PPP2R5C: variants seen among roughly 807,000 people sequenced by gnomAD.
PPP2R5C encodes the protein serine/threonine-protein phosphatase 2A 56 kDa regulatory subunit gamma isoform.
In PPP2R5C, 7 loss-of-function variants were observed where a neutral mutation model predicts 68.9. The observed-to-expected ratio is 0.10, with a 90% CI of 0.06 to 0.19. The LOEUF is 0.19. Ranked by LOEUF, PPP2R5C falls within the 10% of genes least tolerant of loss-of-function variation. PPP2R5C has a pLI of 1.00. For missense variants in PPP2R5C, 348 were observed against 641.3 expected (o/e 0.54, Z 4.94); for synonymous variants, 210 against 222.2 (o/e 0.95, Z 0.49).
chr14:101,768,707 C>G (rs749977831), intron 2 of PPP2R5C, among the ~76,000 whole-genome samples: 1 of 152,030 alleles, frequency 6.6e-6, no homozygotes, highest in Admixed American at 6.6e-5. Context: ...TCATAAAAAC[C>G]GTTTTGACCT....
rs1014636971 is a variant in PPP2R5C at position 101,879,838 on chromosome 14, G to A, written c.295-2323G>A. On this transcript the variant is annotated intron_variant, in intron 2 of 13. Coordinates refer to ENST00000334743, the Ensembl canonical transcript of PPP2R5C. The surrounding 1 kb of genome is among the most constrained non-coding windows in gnomAD (Gnocchi z 4.2). ...GACTTTCCTTTCTCTGCCCTTCATG[G>A]CCCTGGAAGTTATGGAGAGCTTCAG... Among the ~76,000 whole-genome samples, 5 of 152,244 alleles carry A rather than the reference G, an allele frequency of 3.3e-5. No individual in the cohort carries two copies. The highest frequency in any genetic ancestry group is 9.6e-5 in the African/African-American group (4 of 41,476).
chr14:101,913,820 A>T lies in PPP2R5C; in HGVS notation c.1326+1347A>T, dbSNP rs1340052272. Among the ~76,000 whole-genome samples, 2 of 152,108 alleles carry T rather than the reference A, an allele frequency of 1.3e-5. No individual in the cohort carries two copies. The highest frequency in any genetic ancestry group is 4.8e-5 in the African/African-American group (2 of 41,422). On this transcript the variant is annotated intron_variant, in intron 12 of 13. Coordinates refer to ENST00000334743, the Ensembl canonical transcript of PPP2R5C. This position sits in a 1 kb window ranked among gnomAD's most constrained non-coding sequence, Gnocchi z 4.1. ...CTGATAGCCCTCAGGATTGTCAAGG[A>T]CCCCAGTACACATGCAGTTGAAATC...
chr14:101,926,258 C>CCGG (rs1009168436), exon 14 of PPP2R5C: 2 of 152,438 alleles, frequency 1.3e-5, no homozygotes, highest in African/African-American at 4.8e-5. Flanking sequence ...TTGCACGGGG[C>CCGG]CGGCACTGCC....
chr14:101,821,452 G>GGGGTGT (rs1555386194), intron 1 of PPP2R5C, among the ~76,000 whole-genome samples: 1 of 121,356 alleles, frequency 8.2e-6, no homozygotes, highest in South Asian at 3.1e-4. Context: ...TGGGTGGGTG[G>GGGGTGT]GTGTGTGTGT....
At chr14:101,819,164 T>G (rs2140253286) in intron 1 of PPP2R5C, 2 of 1,379,544 alleles carry the variant, frequency 1.4e-6, no homozygotes, top group South Asian at 2.6e-5. Context: ...GAATGGGTTG[T>G]CGGTTTTGGT....
chr14:101,811,371 A>T (rs2039349337), intron 1 of PPP2R5C, among the ~76,000 whole-genome samples: 1 of 152,106 alleles, frequency 6.6e-6, no homozygotes, highest in Non-Finnish European at 1.5e-5. Flanking sequence ...ACAGGGTCTC[A>T]CTCTTGTCAC....
chr14:101,925,403 G>A (rs2047247072), exon 14 of PPP2R5C: 3 of 1,398,772 alleles, frequency 2.1e-6, no homozygotes, highest in South Asian at 1.5e-5. Context: ...AGGCAATAAC[G>A]TGCGTCCGCC....
intron 11 of PPP2R5C, among the ~76,000 whole-genome samples, chr14:101,910,208 A>G (rs1355205233): frequency 6.6e-6 from 1 of 152,196 alleles, no homozygotes; most frequent in Non-Finnish European, 1.5e-5. Flanking sequence ...GGGATGATCT[A>G]AGTGACAAAG....
chr14:101,847,663 C>CT (rs3043777), intron 1 of PPP2R5C, among the ~76,000 whole-genome samples: 8,072 of 128,222 alleles, frequency 0.063, 360 homozygotes, highest in African/African-American at 0.088. Flanking sequence ...TGGGGCTGCT[C>CT]TTTTTTTTTT....
At chr14:101,786,312 G>T in intron 3 of PPP2R5C, 129 bp downstream of exon 3, 1 of 805,610 alleles carries the variant, frequency 1.2e-6, no homozygotes, top group Non-Finnish European at 1.8e-6. Flanking sequence ...TGTATTGAGG[G>T]GTTTTTTTTT....
At chr14:101,817,614 C>T (rs1210298947) in intron 1 of PPP2R5C, among the ~76,000 whole-genome samples, 1 of 152,164 alleles carries the variant, frequency 6.6e-6, no homozygotes, top group Non-Finnish European at 1.5e-5. Flanking sequence ...AAAGTTTCCT[C>T]CGCACTTTAA....
intron 8 of PPP2R5C, among the ~76,000 whole-genome samples, chr14:101,895,353 G>A (rs537193474): frequency 5.4e-4 from 82 of 151,914 alleles, no homozygotes; most frequent in Middle Eastern, 6.8e-3. Flanking sequence ...CATTTTAACC[G>A]CGTTAAATGT....
Position 101,913,021 on chromosome 14 carries a change from C to T in PPP2R5C, c.1326+548C>T, listed in dbSNP as rs1467530915. Among the ~76,000 whole-genome samples, 1 of 152,186 alleles carries T rather than the reference C, an allele frequency of 6.6e-6. No homozygotes were observed. Among genetic ancestry groups the T allele is most frequent in the Non-Finnish European group, 1.5e-5 (1 of 68,032 alleles). ...GTGCCAGTGTGCTCTGGTGAGTCTG[C>T]GCCGATGGCCGGACGTCCCGGAGCT... On this transcript the variant is annotated intron_variant, in intron 12 of 13. Transcript: ENST00000334743. The surrounding 1 kb of genome is among the most constrained non-coding windows in gnomAD (Gnocchi z 4.1).
intron 2 of PPP2R5C, chr14:101,766,865 G>A (rs1446369467): frequency 2.0e-5 from 3 of 152,192 alleles, no homozygotes; most frequent in Admixed American, 1.3e-4. Context: ...TGATTATTTA[G>A]AATGTTAATA....
intron 13 of PPP2R5C, among the ~76,000 whole-genome samples, chr14:101,922,568 C>G (rs2047071161): frequency 6.6e-6 from 1 of 151,186 alleles, no homozygotes; most frequent in Non-Finnish European, 1.5e-5. Context: ...AATCCCAACA[C>G]TTTGGGAGGC....
chr14:101,858,049 T>C (rs1222813636), intron 2 of PPP2R5C, among the ~76,000 whole-genome samples: 2 of 152,244 alleles, frequency 1.3e-5, no homozygotes, highest in African/African-American at 4.8e-5. Context: ...TTCACTGGCA[T>C]GGCTACCATG....
intron 2 of PPP2R5C, among the ~76,000 whole-genome samples, chr14:101,874,602 A>G (rs2043633664): frequency 1.3e-5 from 2 of 152,246 alleles, no homozygotes; most frequent in East Asian, 1.9e-4. Context: ...ACTCATGCAC[A>G]TAACTGTAAA....
intron 13 of PPP2R5C, among the ~76,000 whole-genome samples, chr14:101,922,656 GAA>G (rs60017998): frequency 1.4e-4 from 18 of 128,892 alleles, no homozygotes; most frequent in African/African-American, 3.3e-4. Flanking sequence ...TCTAGAAAAA[GAA>G]AAAAAAAAAA....
chr14:101,809,351 C>T (rs1164753622), upstream of PPP2R5C, among the ~76,000 whole-genome samples: 1 of 148,790 alleles, frequency 6.7e-6, no homozygotes, highest in Non-Finnish European at 1.5e-5. Context: ...AGAGTCCAAA[C>T]TAATGGATTA....
Sources: gnomAD v4.1 joint callset for allele counts (sites outside exome capture counted in the v4.1 genomes callset) on GRCh38, gnomAD v4.1.1 for gene constraint, Gnocchi (gnomAD v3.1) non-coding constraint, MANE v1.5 for transcripts, NCBI Gene and HGNC (gene_info 2026-07-23, HGNC 2026-07-21) for gene names.